The following MTMR12 variants were observed in gnomAD, a reference collection of about 807,000 sequenced individuals.
MTMR12 encodes the protein myotubularin-related protein 12.
MTMR12 carries 33 observed loss-of-function variants against 96.7 expected under a neutral mutation model. That is an observed-to-expected ratio of 0.34 (90% CI 0.26 to 0.46). The LOEUF is 0.46. Among genes scored for constraint, MTMR12 ranks in the 20% least tolerant of loss-of-function variants. MTMR12 has a pLI of 1.00. For synonymous variants in MTMR12, 298 were observed against 327.2 expected, an observed-to-expected ratio of 0.91 and a Z score of 0.96; for missense variants, 721 against 896.1, an observed-to-expected ratio of 0.80 and a Z score of 2.49.
chr5:32,292,403 CTT>C (rs200119334), intron 1 of MTMR12, among the ~76,000 whole-genome samples: 2,331 of 152,236 alleles, frequency 0.015, 28 homozygotes, highest in Non-Finnish European at 0.024. Context: ...GTCTAGAGGT[CTT>C]AGTTCCAGAG....
chr5:32,309,602 A>G (rs1482635039), intron 1 of MTMR12: 1 of 152,226 alleles, frequency 6.6e-6, no homozygotes, highest in East Asian at 1.9e-4. Context: ...AAAAAAAGGT[A>G]CATGAAAACG....
chr5:32,286,181 A>T (rs1206388239), intron 1 of MTMR12, among the ~76,000 whole-genome samples: 1 of 152,146 alleles, frequency 6.6e-6, no homozygotes, highest in African/African-American at 2.4e-5. Flanking sequence ...TCTATAAAAA[A>T]TATAAAAATT....
chr5:32,270,780 T>TG (rs778476353), intron 5 of MTMR12, 37 bp downstream of exon 5: 1 of 1,570,008 alleles, frequency 6.4e-7, no homozygotes, highest in Non-Finnish European at 8.6e-7. Context: ...GAAAACCTGA[T>TG]GGGAAATAAA....
intron 1 of MTMR12, among the ~76,000 whole-genome samples, chr5:32,296,165 A>G (rs1750914002): frequency 6.6e-6 from 1 of 152,130 alleles, no homozygotes; most frequent in Non-Finnish European, 1.5e-5. Flanking sequence ...TCTCAAAAAA[A>G]AAAACAAACA....
At chr5:32,267,508 G>A (rs180793684) in intron 6 of MTMR12, among the ~76,000 whole-genome samples, 2 of 152,206 alleles carry the variant, frequency 1.3e-5, no homozygotes, top group Non-Finnish European at 2.9e-5. Context: ...TAATTCAGAT[G>A]ACCAGTTTTG....
rs1186867052 is a variant in MTMR12 at position 32,271,888 on chromosome 5, A to C, written c.303T>G (p.Asn101Lys). 6.4e-7 allele frequency: 1 copy of C among 1,565,278 alleles called. No individual in the cohort carries two copies. The highest frequency in any genetic ancestry group is 2.3e-5 in the East Asian group (1 of 43,986). Residue 101 changes from asparagine (N) to lysine (K), a missense_variant, in exon 4 of 16, where the codon AAT becomes AAG. Physicochemically the swap from Asn to Lys is moderately conservative, Grantham distance 94 (BLOSUM62 0). Transcript: ENST00000382142. ...TAATGTCATTTTCTCCTATAACCTT[A>C]TTCTTAAATTGAGTTTCCTAGAAGA... ...ALDNDETQFK[N>K]KVIGENDITL... is the part of the protein sequence containing the mutation.
chr5:32,294,308 C>CT (rs113079004), intron 1 of MTMR12, among the ~76,000 whole-genome samples: 81 of 147,366 alleles, frequency 5.5e-4, no homozygotes, highest in South Asian at 3.4e-3. Flanking sequence ...TCCTTTTTTC[C>CT]TTTTTTTTTT....
At chr5:32,234,071 G>C (rs1442297416) in intron 14 of MTMR12, 137 bp from the exon 15 acceptor site, 1 of 1,016,104 alleles carries the variant, frequency 9.8e-7, no homozygotes, top group African/African-American at 1.6e-5. Context: ...TTAAGGCTGA[G>C]GCTACCTGTG....
At chr5:32,292,756 A>G in intron 1 of MTMR12, among the ~76,000 whole-genome samples, 1 of 121,496 alleles carries the variant, frequency 8.2e-6, no homozygotes, top group Admixed American at 8.1e-5. Context: ...TCACTCCACT[A>G]GGGAAAAAAA....
chr5:32,273,939 A>C, intron 3 of MTMR12, 41 bp downstream of exon 3: 2 of 1,611,880 alleles, frequency 1.2e-6, no homozygotes, highest in South Asian at 2.2e-5. Context: ...CCACAACCAC[A>C]CTGTTGCCCA....
intron 8 of MTMR12, among the ~76,000 whole-genome samples, chr5:32,253,583 A>T (rs1194928462): frequency 1.3e-5 from 2 of 152,202 alleles, no homozygotes; most frequent in African/African-American, 4.8e-5. Context: ...ACGTATAAAT[A>T]TGGGAAGAAC....
At chr5:32,273,744 G>A (rs1447092419) in intron 3 of MTMR12, among the ~76,000 whole-genome samples, 2 of 152,150 alleles carry the variant, frequency 1.3e-5, no homozygotes, top group African/African-American at 4.8e-5. Context: ...TGGGGAGGGT[G>A]GGGATGATGG....
chr5:32,243,870 G>A (rs1267787956), intron 10 of MTMR12, among the ~76,000 whole-genome samples: 1 of 152,194 alleles, frequency 6.6e-6, no homozygotes, highest in Non-Finnish European at 1.5e-5. Flanking sequence ...ACAAAGCCAT[G>A]GTTCATCCTG....
chr5:32,311,535 G>A (rs989602657), intron 1 of MTMR12, among the ~76,000 whole-genome samples: 13 of 152,240 alleles, frequency 8.5e-5, no homozygotes, highest in Non-Finnish European at 4.4e-5. Flanking sequence ...GAGGTGGGAA[G>A]ACATCTGCAA....
chr5:32,300,543 C>T (rs1751099107), intron 1 of MTMR12, among the ~76,000 whole-genome samples: 1 of 152,082 alleles, frequency 6.6e-6, no homozygotes, highest in Non-Finnish European at 1.5e-5. Context: ...ACACCCTCAC[C>T]ACACTGAGGG....
At chr5:32,251,949 A>G (rs1227332607) in intron 8 of MTMR12, among the ~76,000 whole-genome samples, 5 of 152,328 alleles carry the variant, frequency 3.3e-5, no homozygotes, top group South Asian at 4.1e-4. Flanking sequence ...ACTTAAAGGG[A>G]TGAAAACCTG....
intron 11 of MTMR12, among the ~76,000 whole-genome samples, 193 bp from the exon 12 acceptor site, chr5:32,242,320 A>G (rs1748509411): frequency 6.6e-6 from 1 of 152,052 alleles, no homozygotes; most frequent in Non-Finnish European, 1.5e-5. Flanking sequence ...ATTCCTGCCC[A>G]TTAGAAACTG....
chr5:32,227,291 C>T lies in MTMR12; in HGVS notation c.*2487G>A, dbSNP rs993647504. 1 of 152,624 alleles carries T rather than the reference C, an allele frequency of 6.6e-6. No individual in the cohort carries two copies. Among genetic ancestry groups the T allele is most frequent in the East Asian group, 1.9e-4 (1 of 5,198 alleles). 9.5% of individuals were successfully genotyped at this position (152,624 alleles called of 1,614,324 possible). ...TTAAACAAAGTAAATGGTCTCATTT[C>T]AGCTCTCACTGTTAAGCATAATCCA... On this transcript the variant is annotated 3_prime_UTR_variant, in exon 16 of 16. Coordinates refer to ENST00000382142, the MANE Select transcript of MTMR12 (RefSeq NM_001040446.3).
chr5:32,296,092 G>C (rs1245616462), intron 1 of MTMR12, among the ~76,000 whole-genome samples: 1 of 152,184 alleles, frequency 6.6e-6, no homozygotes, highest in Non-Finnish European at 1.5e-5. Flanking sequence ...CCAGGAGGTG[G>C]AGATTGCAGT....
Sources: allele counts gnomAD v4.1 joint callset (sites outside exome capture counted in the v4.1 genomes callset), GRCh38; gene constraint gnomAD v4.1.1; transcripts MANE v1.5; gene names NCBI Gene and HGNC (gene_info 2026-07-23, HGNC 2026-07-21).